RFX8: variants seen among roughly 807,000 people sequenced by gnomAD.
RFX8 encodes the protein regulatory factor X8.
Under a neutral mutation model 54.6 loss-of-function variants are expected in RFX8, and 46 were observed. That is an observed-to-expected ratio of 0.84 (90% confidence interval 0.67 to 1.08). The LOEUF (loss-of-function observed/expected upper bound fraction) is 1.08, where lower values mean the gene tolerates loss of function less well. RFX8 is among the 50% of genes least tolerant of loss of function. RFX8 has a pLI of 0.00. For missense variants in RFX8, 536 were observed against 562.3 expected (o/e 0.95, Z 0.47); for synonymous variants, 192 against 209.5 (o/e 0.92, Z 0.72).
chr2:101,402,343 T>C (rs753223622), intron 11 of RFX8, 93 bp downstream of exon 11: 65 of 1,122,226 alleles, frequency 5.8e-5, no homozygotes, highest in Middle Eastern at 5.1e-4. Context: ...TTTATCATTG[T>C]TTGGACAAAG....
chr2:101,407,650 C>T (rs1434243182), intron 9 of RFX8, among the ~76,000 whole-genome samples: 2 of 152,044 alleles, frequency 1.3e-5, no homozygotes, highest in Non-Finnish European at 2.9e-5. Flanking sequence ...TGAGATTGCG[C>T]CGCTGCACTC....
At chr2:101,419,604 T>C (rs1366245456) in intron 4 of RFX8, among the ~76,000 whole-genome samples, 1 of 152,232 alleles carries the variant, frequency 6.6e-6, no homozygotes, top group East Asian at 1.9e-4. Flanking sequence ...GACTCTTGCC[T>C]GTTTGGGATT....
At chr2:101,421,050 C>G (rs930534361) in intron 4 of RFX8, among the ~76,000 whole-genome samples, 1 of 152,144 alleles carries the variant, frequency 6.6e-6, no homozygotes, top group Non-Finnish European at 1.5e-5. Context: ...GGACAGGGGC[C>G]ATCCTGAAGA....
intron 4 of RFX8, among the ~76,000 whole-genome samples, chr2:101,420,419 C>T (rs1686798240): frequency 6.6e-6 from 1 of 152,020 alleles, no homozygotes; most frequent in Non-Finnish European, 1.5e-5. Context: ...TGGTGGGCGC[C>T]TGTGATCCCA....
At chr2:101,430,317 G>A (rs1168596394) in intron 2 of RFX8, among the ~76,000 whole-genome samples, 1 of 152,208 alleles carries the variant, frequency 6.6e-6, no homozygotes, top group Non-Finnish European at 1.5e-5. Context: ...GTTATGGACT[G>A]AGTTGCCTTC....
intron 2 of RFX8, chr2:101,452,314 T>C: frequency 4.7e-6 from 4 of 853,482 alleles, no homozygotes; most frequent in Admixed American, 3.2e-5. Context: ...TTGCATTTTT[T>C]ATCATTCATT....
In RFX8 at chr2:101,405,999, T is replaced by C; in HGVS notation, c.872A>G (p.Asn291Ser). ...TTTGCTTACAGCAGTGAGAAGAAGA[T>C]TCCATCTCAGCTGGAAGCTGGCGGC... ...KLAASFQLRWNLLLTAVSKAM... is the reference protein window; with the variant it reads ...KLAASFQLRWSLLLTAVSKAM... The change falls in exon 10 of 12, where the codon AAT becomes AGT. Residue 291 changes from asparagine to serine, a missense_variant. Coordinates refer to ENST00000428343, the MANE Select transcript of RFX8 (RefSeq NM_001145664.2). 6.5e-7 allele frequency: 1 copy of C among 1,549,776 alleles called. No individual in the cohort carries two copies. Among genetic ancestry groups the C allele is most frequent in the Non-Finnish European group, 8.7e-7 (1 of 1,146,158 alleles).
chr2:101,463,505 A>G (rs183750558), intron 2 of RFX8, among the ~76,000 whole-genome samples: 1 of 152,296 alleles, frequency 6.6e-6, no homozygotes, highest in Non-Finnish European at 1.5e-5. Flanking sequence ...TCTCCATGAA[A>G]GAGCTGGCAT....
chr2:101,467,025 G>A, intron 1 of RFX8, 125 bp from the exon 2 acceptor site: 1 of 628,252 alleles, frequency 1.6e-6, no homozygotes, highest in Non-Finnish European at 2.8e-6. Context: ...TAATTTATTG[G>A]ATGAATCCCT....
chr2:101,441,542 C>T (rs993025017), intron 2 of RFX8, among the ~76,000 whole-genome samples: 1 of 152,172 alleles, frequency 6.6e-6, no homozygotes, highest in African/African-American at 2.4e-5. Flanking sequence ...GCCCCTTGAA[C>T]TTAGACTTCT....
intron 7 of RFX8, among the ~76,000 whole-genome samples, chr2:101,414,636 G>A (rs1356999867): frequency 2.0e-5 from 3 of 151,986 alleles, no homozygotes; most frequent in Admixed American, 6.6e-5. Context: ...CAGGAGATTG[G>A]AGCCTTCCTG....
chr2:101,474,445 G>A, intron 1 of RFX8, 191 bp downstream of exon 1: 1 of 359,108 alleles, frequency 2.8e-6, no homozygotes, highest in Admixed American at 4.7e-5. Flanking sequence ...GCCCGAGCCC[G>A]GGGGCGCGGA....
chr2:101,430,453 T>C (rs754112288), intron 2 of RFX8, among the ~76,000 whole-genome samples: 45 of 152,206 alleles, frequency 3.0e-4, no homozygotes, highest in Non-Finnish European at 5.3e-4. Flanking sequence ...CCAGGACTGG[T>C]GTCCTTATAA....
At chr2:101,459,990 T>A (rs1432799262) in intron 2 of RFX8, among the ~76,000 whole-genome samples, 1 of 152,112 alleles carries the variant, frequency 6.6e-6, no homozygotes, top group East Asian at 1.9e-4. Flanking sequence ...CGCAGGTCGA[T>A]CTCAGACTGC....
chr2:101,474,155 C>T (rs1047220647), intron 1 of RFX8: 3 of 599,372 alleles, frequency 5.0e-6, no homozygotes, highest in African/African-American at 2.0e-5. Context: ...TTCCCCTCCC[C>T]GGCCCCACCT....
At chr2:101,421,305 G>A (rs991227038) in intron 4 of RFX8, 6 of 987,712 alleles carry the variant, frequency 6.1e-6, no homozygotes, top group Non-Finnish European at 7.2e-6. Context: ...AAATCCAATC[G>A]TGACAATACC....
chr2:101,461,113 A>C (rs994728610), intron 2 of RFX8, among the ~76,000 whole-genome samples: 2 of 151,316 alleles, frequency 1.3e-5, no homozygotes, highest in African/African-American at 4.8e-5. Flanking sequence ...CTAAAATACA[A>C]AAAAAAATTG....
Position 101,420,367 on chromosome 2 carries a change from AC to A in RFX8, c.237+1356del, listed in dbSNP as rs570567304. Among the ~76,000 whole-genome samples, 683 of 151,594 alleles carry A rather than the reference AC, an allele frequency of 4.5e-3. 3 individuals are homozygous for A. The highest frequency in any genetic ancestry group is 7.5e-3 in the Non-Finnish European group (511 of 67,886). ...GAACAGCCTGGCCAGCATGGTAAAA[AC>A]CCCGTCTCTACTAAAAATACAAAAA... On this transcript the variant is annotated intron_variant, in intron 4 of 11. Coordinates refer to ENST00000428343, the MANE Select transcript of RFX8 (RefSeq NM_001145664.2).
Position 101,397,625 on chromosome 2 carries a change from G to A in RFX8, c.1345C>T (p.Gln449Ter), listed in dbSNP as rs1297985964. 6.4e-7 allele frequency: 1 copy of A among 1,551,142 alleles called. No homozygotes were observed. Among genetic ancestry groups the A allele is most frequent in the Admixed American group, 2.0e-5 (1 of 50,954 alleles). ...EALITLKDGQ[Q>*]FVIQISDVPQ... ...ACATCTGATATCTGAATCACAAATT[G>A]TTGTCCATCTTTTAGGGTTATGAGG... The change falls in exon 12 of 12, where the codon CAA becomes TAA. Residue 449 changes from glutamine (Q) to a stop codon, truncating the protein, a stop_gained. Coordinates refer to ENST00000428343, the MANE Select transcript of RFX8 (RefSeq NM_001145664.2). LOFTEE classifies it high-confidence loss of function.
Sources: gnomAD v4.1 joint callset for allele counts (sites outside exome capture counted in the v4.1 genomes callset) on GRCh38, gnomAD v4.1.1 for gene constraint, MANE v1.5 for transcripts, NCBI Gene and HGNC (gene_info 2026-07-23, HGNC 2026-07-21) for gene names.